DNAH6: variants seen among roughly 807,000 people sequenced by gnomAD.
DNAH6 encodes axonemal beta dynein heavy chain 6.
A neutral mutation model predicts 491.4 loss-of-function variants in DNAH6; 340 were observed. The observed-to-expected ratio is 0.69, with a 90% CI of 0.63 to 0.76. The LOEUF (loss-of-function observed/expected upper bound fraction) is 0.76, where lower values mean the gene tolerates loss of function less well. Among genes scored for constraint, DNAH6 ranks in the 30% least tolerant of loss-of-function variants. The pLI is 0.00. For missense variants in DNAH6, 4,443 were observed against 4,972.2 expected, an observed-to-expected ratio of 0.89 and a Z score of 3.20; for synonymous variants, 1,603 against 1,686.1, an observed-to-expected ratio of 0.95 and a Z score of 1.21.
At chr2:84,576,158 A>G (rs1415909871) in intron 12 of DNAH6, among the ~76,000 whole-genome samples, 1 of 152,240 alleles carries the variant, frequency 6.6e-6, no homozygotes, top group African/African-American at 2.4e-5. Flanking sequence ...ACGACTTATC[A>G]GATCATTTAA....
intron 63 of DNAH6, among the ~76,000 whole-genome samples, chr2:84,755,126 A>G (rs956755678): frequency 6.6e-6 from 1 of 152,238 alleles, no homozygotes; most frequent in African/African-American, 2.4e-5. Flanking sequence ...ACTTATCCCC[A>G]GTACAGCAGT....
chr2:84,626,639 G>A (rs72832526), intron 29 of DNAH6, among the ~76,000 whole-genome samples: 1,761 of 152,012 alleles, frequency 0.012, 19 homozygotes, highest in Non-Finnish European at 0.016. Flanking sequence ...ACGGAGTCTC[G>A]CTCTATTGCC....
intron 26 of DNAH6, 52 bp downstream of exon 26, chr2:84,621,603 G>GT (rs888397846): frequency 1.1e-3 from 1,245 of 1,142,556 alleles, no homozygotes; most frequent in Middle Eastern, 1.5e-3. Context: ...GTCTTGGTGG[G>GT]TTTTTTTTTA....
intron 64 of DNAH6, among the ~76,000 whole-genome samples, chr2:84,776,607 T>C (rs1676148081): frequency 6.6e-6 from 1 of 152,242 alleles, no homozygotes; most frequent in Non-Finnish European, 1.5e-5. Context: ...ATCTCCACAC[T>C]GTCTTCCACA....
intron 30 of DNAH6, 55 bp downstream of exon 30, chr2:84,634,696 C>G: frequency 7.0e-6 from 10 of 1,432,862 alleles, no homozygotes; most frequent in Non-Finnish European, 9.2e-6. Flanking sequence ...TTGTCATTAA[C>G]TCACAGAATG....
intron 7 of DNAH6, 116 bp from the exon 8 acceptor site, chr2:84,548,172 G>C (rs575400897): frequency 8.7e-7 from 1 of 1,148,686 alleles, no homozygotes; most frequent in Non-Finnish European, 1.2e-6. Context: ...GAATTGCTTC[G>C]TGTACCAAAA....
chr2:84,666,761 A>C (rs1400995094), intron 37 of DNAH6, among the ~76,000 whole-genome samples: 1 of 152,234 alleles, frequency 6.6e-6, no homozygotes, highest in Non-Finnish European at 1.5e-5. Context: ...TAAAGTTCAT[A>C]TGGAACCAAA....
At chr2:84,716,510 C>G (rs917418596) in intron 58 of DNAH6, among the ~76,000 whole-genome samples, 1 of 152,250 alleles carries the variant, frequency 6.6e-6, no homozygotes, top group African/African-American at 2.4e-5. Flanking sequence ...TATGTTGTCA[C>G]TAATGAGCTT....
At chr2:84,716,077 A>G (rs981324586) in intron 58 of DNAH6, among the ~76,000 whole-genome samples, 1 of 151,568 alleles carries the variant, frequency 6.6e-6, no homozygotes, top group Non-Finnish European at 1.5e-5. Context: ...CACTTCAAAT[A>G]TATGTGTGTG....
chr2:84,557,362 A>G (rs1485440156), intron 10 of DNAH6, among the ~76,000 whole-genome samples: 1 of 152,136 alleles, frequency 6.6e-6, no homozygotes, highest in African/African-American at 2.4e-5. Context: ...AAAAATATTT[A>G]TAGGCCGGGC....
intron 68 of DNAH6, among the ~76,000 whole-genome samples, chr2:84,793,225 C>CACAT (rs35801326): frequency 1.3e-5 from 2 of 151,812 alleles, no homozygotes; most frequent in African/African-American, 4.9e-5. Flanking sequence ...TACACACACA[C>CACAT]GGGCGTGCAC....
chr2:84,749,011 C>G (rs1673213856), intron 63 of DNAH6, among the ~76,000 whole-genome samples: 1 of 152,146 alleles, frequency 6.6e-6, no homozygotes, highest in Non-Finnish European at 1.5e-5. Context: ...TTTTAAACAA[C>G]TAGCTCTTAT....
chr2:84,773,808 T>C (rs2105188682), intron 64 of DNAH6, among the ~76,000 whole-genome samples: 1 of 152,242 alleles, frequency 6.6e-6, no homozygotes, highest in South Asian at 2.1e-4. Context: ...TATCTCATTG[T>C]GGTTTTTATT....
intron 56 of DNAH6, 80 bp from the exon 57 acceptor site, chr2:84,713,015 C>T (rs1212624486): frequency 8.1e-7 from 1 of 1,233,210 alleles, no homozygotes; most frequent in Non-Finnish European, 1.1e-6. Flanking sequence ...CATTTTGAGG[C>T]CTAAGGAATT....
chr2:84,713,630 G>T (rs560376265), intron 57 of DNAH6, among the ~76,000 whole-genome samples: 27 of 152,308 alleles, frequency 1.8e-4, no homozygotes, highest in African/African-American at 6.5e-4. Flanking sequence ...CATCAGCAAA[G>T]ACTATTTTTG....
intron 57 of DNAH6, among the ~76,000 whole-genome samples, chr2:84,713,918 A>G (rs779081995): frequency 6.6e-5 from 10 of 151,980 alleles, no homozygotes; most frequent in Non-Finnish European, 1.2e-4. Context: ...TGTGAGCTCC[A>G]CTCCATACAT....
chr2:84,705,828 T>C (rs754551863), intron 52 of DNAH6, 81 bp downstream of exon 52: 198 of 1,437,514 alleles, frequency 1.4e-4, no homozygotes, highest in Non-Finnish European at 1.8e-4. Flanking sequence ...ATAATGTTAC[T>C]GTGGTCCTAC....
chr2:84,596,359 T>A (rs1222645174), intron 18 of DNAH6, among the ~76,000 whole-genome samples: 2 of 152,170 alleles, frequency 1.3e-5, no homozygotes, highest in African/African-American at 4.8e-5. Flanking sequence ...TGTTCACTTT[T>A]GTTGCCCAGG....
intron 46 of DNAH6, 98 bp downstream of exon 46, chr2:84,694,578 ATTGT>A: frequency 3.6e-6 from 3 of 822,672 alleles, no homozygotes; most frequent in Non-Finnish European, 5.8e-6. Flanking sequence ...GTTCAAGGGG[ATTGT>A]TCCCTTTGAT....
Sources: allele counts gnomAD v4.1 joint callset (sites outside exome capture counted in the v4.1 genomes callset), GRCh38; gene constraint gnomAD v4.1.1; transcripts MANE v1.5; gene names NCBI Gene and HGNC (gene_info 2026-07-23, HGNC 2026-07-21).